Variants in PSPC1 observed in about 807,000 individuals in gnomAD.
PSPC1 encodes the protein paraspeckle protein 1.
In PSPC1, 14 loss-of-function variants were observed where a neutral mutation model predicts 51.6. The observed-to-expected ratio is 0.27, with a 90% confidence interval of 0.18 to 0.42. The LOEUF (loss-of-function observed/expected upper bound fraction) is 0.42. PSPC1 is among the 10% of genes least tolerant of loss of function. The pLI is 1.00. For missense variants in PSPC1, 406 were observed against 701.1 expected, an observed-to-expected ratio of 0.58 and a Z score of 4.75; for synonymous variants, 193 against 231.9, an observed-to-expected ratio of 0.83 and a Z score of 1.53.
intron 7 of PSPC1, among the ~76,000 whole-genome samples, chr13:19,708,015 A>C (rs1303712629): frequency 6.6e-6 from 1 of 152,192 alleles, no homozygotes; most frequent in Admixed American, 6.5e-5. Flanking sequence ...TATTTCACGT[A>C]TCCACTGCAG....
intron 2 of PSPC1, among the ~76,000 whole-genome samples, chr13:19,767,975 T>C (rs544599466): frequency 2.6e-5 from 4 of 152,226 alleles, no homozygotes; most frequent in East Asian, 3.9e-4. Context: ...TCCAGCACTT[T>C]GGGAGGCCAA....
At chr13:19,736,595 A>C (rs932414421) in intron 5 of PSPC1, among the ~76,000 whole-genome samples, 1 of 152,164 alleles carries the variant, frequency 6.6e-6, no homozygotes, top group Non-Finnish European at 1.5e-5. Context: ...AGGCAGGAGA[A>C]TGGCATGAAC....
chr13:19,685,279 A>G (rs1219241500), intron 6 of PSPC1, among the ~76,000 whole-genome samples: 5 of 152,208 alleles, frequency 3.3e-5, no homozygotes, highest in Non-Finnish European at 7.3e-5. Flanking sequence ...TGTGAACCTC[A>G]GAATTCCCGG....
At chr13:19,775,248 A>G (rs968605197) in intron 1 of PSPC1, among the ~76,000 whole-genome samples, 7 of 152,136 alleles carry the variant, frequency 4.6e-5, no homozygotes, top group African/African-American at 1.7e-4. Flanking sequence ...GCTACTCAGG[A>G]GGCTGAGGCA....
chr13:19,725,182 C>T (rs182257377), intron 6 of PSPC1, among the ~76,000 whole-genome samples: 2 of 151,960 alleles, frequency 1.3e-5, no homozygotes, highest in South Asian at 2.1e-4. Context: ...ATCTCAAAAA[C>T]GAAAAAAAGA....
At chr13:19,691,845 G>A (rs1031494074) in intron 6 of PSPC1, among the ~76,000 whole-genome samples, 1 of 152,108 alleles carries the variant, frequency 6.6e-6, no homozygotes, top group African/African-American at 2.4e-5. Flanking sequence ...TTGAACCTGG[G>A]AGGTGGATGT....
intron 3 of PSPC1, among the ~76,000 whole-genome samples, chr13:19,751,823 C>T (rs1024184516): frequency 6.6e-6 from 1 of 152,106 alleles, no homozygotes; most frequent in East Asian, 1.9e-4. Context: ...TTCGGGAGGC[C>T]GAGGCGGGCA....
chr13:19,723,561 ACAT>A (rs1314044177), intron 6 of PSPC1, among the ~76,000 whole-genome samples: 1 of 152,218 alleles, frequency 6.6e-6, no homozygotes, highest in Non-Finnish European at 1.5e-5. Context: ...GGTTTCCCAC[ACAT>A]CATTAGATAT....
intron 6 of PSPC1, among the ~76,000 whole-genome samples, chr13:19,694,641 G>C (rs995990452): frequency 6.6e-6 from 1 of 152,140 alleles, no homozygotes; most frequent in African/African-American, 2.4e-5. Flanking sequence ...TTCCAAGTAT[G>C]CTTAATATTC....
At chr13:19,737,255 C>T (rs771888613) in intron 5 of PSPC1, 1 of 152,186 alleles carries the variant, frequency 6.6e-6, no homozygotes, top group Non-Finnish European at 1.5e-5. Flanking sequence ...GACCACAGGC[C>T]CACTAACACC....
intron 6 of PSPC1, among the ~76,000 whole-genome samples, chr13:19,725,233 T>A (rs985873116): frequency 6.6e-6 from 1 of 152,156 alleles, no homozygotes; most frequent in Non-Finnish European, 1.5e-5. Context: ...AGTGACTCTT[T>A]ACCATTTCTT....
chr13:19,727,515 A>C (rs1040030622), intron 6 of PSPC1, among the ~76,000 whole-genome samples: 3 of 152,360 alleles, frequency 2.0e-5, no homozygotes, highest in Non-Finnish European at 4.4e-5. Context: ...CAATAACTAA[A>C]GCTAAAATAA....
intron 4 of PSPC1, among the ~76,000 whole-genome samples, chr13:19,743,907 A>G (rs999255570): frequency 6.6e-6 from 1 of 152,106 alleles, no homozygotes; most frequent in Non-Finnish European, 1.5e-5. Flanking sequence ...CGGGAGTTGG[A>G]GGCCAGCCTG....
At chr13:19,780,927 C>A (rs1036426440) in intron 1 of PSPC1, among the ~76,000 whole-genome samples, 10 of 152,158 alleles carry the variant, frequency 6.6e-5, no homozygotes, top group African/African-American at 2.4e-4. Flanking sequence ...GAGGCCAAGG[C>A]GGGAGGATCG....
At chr13:19,715,074 T>C (rs1881934201) in intron 6 of PSPC1, among the ~76,000 whole-genome samples, 1 of 152,160 alleles carries the variant, frequency 6.6e-6, no homozygotes. Context: ...TAAAAGACAT[T>C]TGCAAAAATG....
rs551188590 is a variant in PSPC1, at chr13:19,742,369, C to T, written c.968-720G>A. ...CTGTAATCCCAGCACTTTGGGAGGC[C>T]GAGGCAGGCGGATCACTTCGGCCGA... On this transcript the variant is annotated intron_variant, in intron 4 of 8. Coordinates refer to ENST00000338910, the MANE Select transcript of PSPC1 (RefSeq NM_001354909.2). 8.2e-4 allele frequency among the ~76,000 whole-genome samples: 124 copies of T among 152,040 alleles called. 1 individual carries two copies. Among genetic ancestry groups the T allele is most frequent in the Admixed American group, 2.0e-3 (30 of 15,230 alleles).
intron 6 of PSPC1, among the ~76,000 whole-genome samples, chr13:19,713,236 G>C (rs145762792): frequency 6.6e-6 from 1 of 152,104 alleles, no homozygotes; most frequent in Non-Finnish European, 1.5e-5. Flanking sequence ...AAGAGTTGTT[G>C]TTTAAGCCAA....
downstream of PSPC1, among the ~76,000 whole-genome samples, chr13:19,698,758 C>T (rs1879544917): frequency 1.3e-5 from 2 of 152,008 alleles, no homozygotes; most frequent in South Asian, 4.1e-4. Context: ...GAGGAGGGAA[C>T]TGATAGTGAC....
intron 2 of PSPC1, among the ~76,000 whole-genome samples, chr13:19,771,028 C>G (rs1257472955): frequency 6.6e-6 from 1 of 152,150 alleles, no homozygotes; most frequent in Non-Finnish European, 1.5e-5. Context: ...CTCCTGAGCT[C>G]AAGTGATCCT....
Sources: gnomAD v4.1 joint callset for allele counts (sites outside exome capture counted in the v4.1 genomes callset) on GRCh38, gnomAD v4.1.1 for gene constraint, MANE v1.5 for transcripts, NCBI Gene and HGNC (gene_info 2026-07-23, HGNC 2026-07-21) for gene names.